The following NELFA variants were observed in gnomAD, a reference collection of about 807,000 sequenced individuals.
NELFA encodes the protein negative elongation factor A.
Under a neutral mutation model 51.8 loss-of-function variants are expected in NELFA, and 35 were observed. The observed-to-expected ratio is 0.68, with a 90% CI of 0.52 to 0.90. The LOEUF (loss-of-function observed/expected upper bound fraction) is 0.90. Among genes scored for constraint, NELFA ranks in the 40% least tolerant of loss-of-function variants. The probability of loss-of-function intolerance (pLI) is 0.00; values close to 1 mark genes in which losing one functional copy is unlikely to be tolerated. For missense variants in NELFA, 658 were observed against 746.4 expected (o/e 0.88, Z 1.38); for synonymous variants, 417 against 338.4 (o/e 1.23, Z -2.55).
At position 1,983,670 on chromosome 4, in the gene NELFA, T is replaced by C. The variant is rs1727975781; in HGVS notation, c.1328A>G (p.Glu443Gly). The C allele has an allele frequency of 6.2e-7, 1 of 1,613,870 alleles. No homozygotes were observed. Among genetic ancestry groups the C allele is most frequent in the Non-Finnish European group, 8.5e-7 (1 of 1,179,986 alleles). Residue 443 changes from glutamate to glycine, a missense_variant, in exon 10 of 11, where the codon GAG (glutamate) becomes GGG (glycine). By Grantham distance (98) the Glu-to-Gly change is moderately conservative. Around this residue, in one of 3 missense-constraint regions of NELFA, gnomAD observed 87 missense variants for 130.2 expected, o/e 0.67. Coordinates refer to ENST00000382882, the MANE Select transcript of NELFA (RefSeq NM_005663.5). The part of the protein sequence containing the change: ...LTREQMFAAQ[E>G]MFKTANKVTR... ...GACTTTGTTGGCCGTCTTGAACATC[T>C]CCTGGGCAGCGAACATCTGCTCTCT...
intron 4 of NELFA, 122 bp from the exon 5 acceptor site, chr4:1,986,524 G>A (rs774597860): frequency 1.1e-5 from 16 of 1,467,726 alleles, no homozygotes; most frequent in Admixed American, 2.0e-5. Context: ...CAAACCCCTG[G>A]CGGGCAGCGG....
At chr4:1,998,904 C>A (rs545146546) in intron 1 of NELFA, among the ~76,000 whole-genome samples, 12 of 152,222 alleles carry the variant, frequency 7.9e-5, no homozygotes, top group African/African-American at 2.9e-4. Context: ...AGAGAAAGGC[C>A]AGGTCACCTA....
intron 1 of NELFA, among the ~76,000 whole-genome samples, chr4:2,004,792 A>G (rs937732394): frequency 6.9e-6 from 1 of 145,174 alleles, no homozygotes; most frequent in Non-Finnish European, 1.5e-5. Flanking sequence ...CCAGCTATAC[A>G]TTATATTTTA....
rs571252306 is a variant in NELFA, at chr4:1,987,562, C to T, written c.634+356G>A. On this transcript the variant is annotated intron_variant, in intron 4 of 10. Transcript: ENST00000382882. ...GGCCGAAAGCCCGAGCTGGGAAGGC[C>T]GAGAGCCACCGGTGCCAACAGCAGA... 2.4e-4 allele frequency: 56 copies of T among 230,388 alleles called. 1 individual carries two copies. The South Asian group carries it at 6.7e-3, about 28-fold the overall frequency. The allele number at this position is 230,388 out of a possible 1,614,324, so 14.3% of individuals were successfully genotyped here.
intron 3 of NELFA, among the ~76,000 whole-genome samples, chr4:1,988,436 G>C (rs1728177180): frequency 6.6e-6 from 1 of 152,280 alleles, no homozygotes; most frequent in Non-Finnish European, 1.5e-5. Context: ...TGTGGCTGAA[G>C]GGTCAGGGGA....
At position 1,991,836 on chromosome 4, in the gene NELFA, T is replaced by C. The variant is rs906715776; in HGVS notation, c.211-121A>G. On this transcript the variant is annotated intron_variant, in intron 1 of 10. Transcript: ENST00000382882. ...GCTCTCTGGCAGTTGCCCCCAACAC[T>C]TCCTCCTGAGGGCTCCCCTTCCTCT... The C allele has an allele frequency of 3.9e-6, 4 of 1,027,214 alleles. No homozygotes were observed. The African/African-American group carries it at 4.9e-5, about 13-fold the overall frequency. 63.6% of individuals were successfully genotyped at this position (1,027,214 alleles called of 1,614,324 possible).
At position 1,983,355 on chromosome 4, in the gene NELFA, G is replaced by A. The variant is rs571215702; in HGVS notation, c.1551C>T (p.Arg517=). 1.2e-6 allele frequency: 2 copies of A among 1,614,198 alleles called. No homozygotes were observed. The highest frequency in any genetic ancestry group is 3.3e-5 in the Admixed American group (2 of 60,022). ...TGGTCATGGGCTTGTACTTCTTGAA[G>A]CGCGTCCACTGGCCCGTGGCATAGT... ...EMNYATGQWT[R]FKKYKPMTNV... Residue 517 remains arginine, a synonymous_variant, in exon 11 of 11, where the codon CGC becomes CGT. Coordinates refer to ENST00000382882, the MANE Select transcript of NELFA (RefSeq NM_005663.5).
chr4:1,998,311 A>C (rs982744749), intron 1 of NELFA, among the ~76,000 whole-genome samples: 7 of 152,128 alleles, frequency 4.6e-5, no homozygotes, highest in African/African-American at 1.7e-4. Flanking sequence ...GAGCTGACAG[A>C]AGTAGGCTTC....
intron 1 of NELFA, among the ~76,000 whole-genome samples, chr4:2,008,252 G>A (rs1297622397): frequency 1.3e-5 from 2 of 152,134 alleles, no homozygotes; most frequent in Admixed American, 1.3e-4. Context: ...TCGGCACGGT[G>A]GGGGATTAGG....
rs1289006283 is a variant in NELFA, at chr4:1,983,869, A to C, written c.1281T>G (p.Pro427=). Residue 427 remains proline, a synonymous_variant, in exon 9 of 11, where the codon CCT becomes CCG. Transcript: ENST00000382882. ...PQTQAPAQQQ[P]KKNLSLTREQ... ...CTACCGTGAGGGACAGGTTCTTCTT[A>C]GGCTGCTGCTGAGCAGGGGCCTGGG... The C allele has an allele frequency of 5.7e-6, 9 of 1,580,710 alleles. No individual in the cohort carries two copies. The highest frequency in any genetic ancestry group is 7.7e-6 in the Non-Finnish European group (9 of 1,163,474).
At chr4:1,987,867 C>A in intron 4 of NELFA, 51 bp downstream of exon 4, 2 of 1,495,584 alleles carry the variant, frequency 1.3e-6, no homozygotes, top group Non-Finnish European at 9.1e-7. Context: ...AGGTGAAGCC[C>A]TTAGCTCTGC....
chr4:1,989,685 C>G lies in NELFA; in HGVS notation c.544+23G>C, dbSNP rs779146241. 1 of 1,608,308 alleles carries G rather than the reference C, an allele frequency of 6.2e-7. No homozygotes were observed. The highest frequency in any genetic ancestry group is 1.7e-5 in the Admixed American group (1 of 59,384). On this transcript the variant is annotated intron_variant, in intron 3 of 10. Coordinates refer to ENST00000382882, the MANE Select transcript of NELFA (RefSeq NM_005663.5). The surrounding 1 kb of genome is among the most constrained non-coding windows in gnomAD (Gnocchi z 4.8). Reference sequence around the variant, plus strand: ...GACTGGAAACTACAAAGACAATGCCCGATGGCGGCCGCGGCCACTCACACT... The same window carrying G: ...GACTGGAAACTACAAAGACAATGCCGGATGGCGGCCGCGGCCACTCACACT...
chr4:1,990,510 G>A (rs1027056452), intron 2 of NELFA: 5 of 456,548 alleles, frequency 1.1e-5, no homozygotes, highest in Middle Eastern at 3.2e-4. Flanking sequence ...GGTGGGGTGG[G>A]GTGGACCTGT....
Position 1,991,577 on chromosome 4 carries a change from C to T in NELFA, c.349G>A (p.Val117Ile), listed in dbSNP as rs372541771. 2.5e-5 allele frequency: 40 copies of T among 1,613,932 alleles called. No individual in the cohort carries two copies. The highest frequency in any genetic ancestry group is 4.5e-5 in the East Asian group (2 of 44,890). Residue 117 changes from valine to isoleucine, a missense_variant, in exon 2 of 11, where the codon GTT (valine) becomes ATT (isoleucine). Around this residue, in one of 3 missense-constraint regions of NELFA, gnomAD observed 371 missense variants for 448.3 expected, o/e 0.83. Transcript: ENST00000382882. ...NLELEEQNPNVQDILGELREK... is the reference protein window; with the variant it reads ...NLELEEQNPNIQDILGELREK... ...CTAAGTTCTCCCAAAATATCCTGAA[C>T]GTTGGGATTCTGCTCCTCCAGCTCC...
At position 1,985,825 on chromosome 4, in the gene NELFA, A is replaced by C. The variant is rs1577612198; in HGVS notation, c.875T>G (p.Val292Gly). 5 of 1,613,272 alleles carry C rather than the reference A, an allele frequency of 3.1e-6. No homozygotes were observed. Among genetic ancestry groups the C allele is most frequent in the Non-Finnish European group, 4.2e-6 (5 of 1,179,782 alleles). ...GTAGTCCGGGGTGGCGTTCTCCACC[A>C]CCGTTTCCTCCTTGGCCGGCTTCTC... ...VVEKPAKEETVVENATPDYAA... is the reference protein window; with the variant it reads ...VVEKPAKEETGVENATPDYAA... Residue 292 changes from valine to glycine, a missense_variant, in exon 7 of 11, where the codon GTG becomes GGG. By Grantham distance (109) the Val-to-Gly change is moderately radical. Coordinates refer to ENST00000382882, the MANE Select transcript of NELFA (RefSeq NM_005663.5).
intron 1 of NELFA, among the ~76,000 whole-genome samples, chr4:2,008,374 G>A (rs1053267485): frequency 2.0e-5 from 3 of 151,634 alleles, no homozygotes; most frequent in Non-Finnish European, 4.4e-5. Flanking sequence ...GGCCCGGCGG[G>A]GAGGAGATTG....
At chr4:2,001,506 T>A (rs184615109) in intron 1 of NELFA, among the ~76,000 whole-genome samples, 78 of 152,316 alleles carry the variant, frequency 5.1e-4, no homozygotes, top group African/African-American at 1.9e-3. Context: ...AAATCATGAA[T>A]GAACTCCCAT....
At chr4:1,993,634 T>C (rs1271509940) in intron 1 of NELFA, among the ~76,000 whole-genome samples, 2 of 148,914 alleles carry the variant, frequency 1.3e-5, no homozygotes, top group Non-Finnish European at 1.5e-5. Flanking sequence ...AAAAAGAAAA[T>C]GCTTGGCTTA....
At chr4:1,988,155 C>T in intron 3 of NELFA, 148 bp from the exon 4 acceptor site, 1 of 649,116 alleles carries the variant, frequency 1.5e-6, no homozygotes, top group Non-Finnish European at 2.6e-6. Context: ...CGAGCCGGGC[C>T]TGACACCAGC....
Sources: gnomAD v4.1 joint callset for allele counts (sites outside exome capture counted in the v4.1 genomes callset) on GRCh38, gnomAD v4.1.1 for gene constraint, gnomAD v4.1.1 regional missense constraint, Gnocchi (gnomAD v3.1) non-coding constraint, MANE v1.5 for transcripts, NCBI Gene and HGNC (gene_info 2026-07-23, HGNC 2026-07-21) for gene names.